Variants in MYPN observed in about 807,000 individuals in gnomAD.
MYPN encodes sarcomeric protein myopalladin, 145 kDa (MYOP).
MYPN carries 63 observed loss-of-function variants against 129.4 expected under a neutral mutation model. The observed-to-expected ratio is 0.49, with a 90% CI of 0.40 to 0.60. The LOEUF (loss-of-function observed/expected upper bound fraction) is 0.60, where lower values mean the gene tolerates loss of function less well. MYPN is among the 20% of genes least tolerant of loss of function. The pLI, the probability that MYPN is intolerant of heterozygous loss-of-function variation, is 0.00. For missense variants in MYPN, 1,596 were observed against 1,635.4 expected, an observed-to-expected ratio of 0.98 and a Z score of 0.42; for synonymous variants, 629 against 600.9, an observed-to-expected ratio of 1.05 and a Z score of -0.68.
chr10:68,151,540 G>T (rs1043441961), intron 6 of MYPN, among the ~76,000 whole-genome samples: 2 of 152,142 alleles, frequency 1.3e-5, no homozygotes, highest in Non-Finnish European at 2.9e-5. Flanking sequence ...AGCTAAGAGA[G>T]CTACTTCTTA....
intron 6 of MYPN, among the ~76,000 whole-genome samples, chr10:68,153,860 C>A (rs1489650664): frequency 6.6e-6 from 1 of 151,612 alleles, no homozygotes; most frequent in East Asian, 1.9e-4. Flanking sequence ...ATTCCATTCC[C>A]TGTGACTCAC....
intron 2 of MYPN, 37 bp downstream of exon 2, chr10:68,122,377 C>T: frequency 3.1e-6 from 5 of 1,600,790 alleles, no homozygotes; most frequent in Middle Eastern, 2.2e-4. Context: ...AGTAATGTTG[C>T]TTTCCATCTA....
chr10:68,097,996 A>C (rs909362889), intron 1 of MYPN, among the ~76,000 whole-genome samples: 1 of 152,214 alleles, frequency 6.6e-6, no homozygotes, highest in African/African-American at 2.4e-5. Flanking sequence ...CTGTAATCCT[A>C]GCACTTTGGG....
intron 10 of MYPN, among the ~76,000 whole-genome samples, chr10:68,171,883 G>T (rs538766442): frequency 6.6e-6 from 1 of 152,340 alleles, no homozygotes; most frequent in South Asian, 2.1e-4. Flanking sequence ...CAAAGCCAGT[G>T]AACTGGCTCC....
At chr10:68,181,663 G>C (rs2043315150) in intron 12 of MYPN, among the ~76,000 whole-genome samples, 1 of 152,056 alleles carries the variant, frequency 6.6e-6, no homozygotes, top group Non-Finnish European at 1.5e-5. Flanking sequence ...ACTTTGTTTT[G>C]TCTGTGGCCT....
chr10:68,206,095 A>AGGCCAACAAGGG (rs2043810889), intron 18 of MYPN, among the ~76,000 whole-genome samples: 1 of 152,210 alleles, frequency 6.6e-6, no homozygotes, highest in Non-Finnish European at 1.5e-5. Flanking sequence ...TAAGAGGGCC[A>AGGCCAACAAGGG]GGCCAACAAG....
At chr10:68,143,494 G>A (rs555265087) in intron 3 of MYPN, among the ~76,000 whole-genome samples, 1 of 152,248 alleles carries the variant, frequency 6.6e-6, no homozygotes, top group African/African-American at 2.4e-5. Flanking sequence ...CAAGTGCAGT[G>A]GCCCTGAGGG....
chr10:68,201,867 C>T lies in MYPN; in HGVS notation c.3532C>T (p.Leu1178=). The T allele has an allele frequency of 6.2e-7, 1 of 1,614,062 alleles. No homozygotes were observed. The highest frequency in any genetic ancestry group is 8.5e-7 in the Non-Finnish European group (1 of 1,180,004). ...VKKAPVILEK[L]QNCGVPEGHP... The stretch of plus-strand genomic sequence containing the variant: ...GAAAGCACCTGTGATCCTGGAGAAA[C>T]TACAGAACTGCGGTGTTCCCGAAGG... The change falls in exon 18 of 20, where the codon CTA becomes TTA. Residue 1178 remains leucine, a synonymous_variant. Transcript: ENST00000358913.
intron 8 of MYPN, among the ~76,000 whole-genome samples, chr10:68,163,715 T>C (rs751867565): frequency 1.4e-4 from 22 of 152,128 alleles, no homozygotes; most frequent in South Asian, 6.2e-4. Context: ...AGTCTTATGA[T>C]CCTAATGTCA....
intron 18 of MYPN, among the ~76,000 whole-genome samples, chr10:68,204,447 C>T (rs965810879): frequency 2.6e-5 from 4 of 152,168 alleles, no homozygotes; most frequent in South Asian, 2.1e-4. Context: ...ACTGACCGGG[C>T]GCAGTGGCTT....
intron 1 of MYPN, among the ~76,000 whole-genome samples, chr10:68,100,937 A>G (rs766467339): frequency 6.6e-6 from 1 of 152,244 alleles, no homozygotes; most frequent in Non-Finnish European, 1.5e-5. Context: ...CAATTAAATC[A>G]GTTAATGTTG....
intron 5 of MYPN, 146 bp downstream of exon 5, chr10:68,148,613 G>C: frequency 1.3e-6 from 1 of 753,786 alleles, no homozygotes; most frequent in Non-Finnish European, 2.4e-6. Context: ...ATGTTTGAGA[G>C]CAGTGGTTCC....
intron 10 of MYPN, among the ~76,000 whole-genome samples, chr10:68,169,335 G>A (rs1354599516): frequency 6.7e-6 from 1 of 150,048 alleles, no homozygotes; most frequent in African/African-American, 2.5e-5. Flanking sequence ...TCCAGCCTGG[G>A]CAACAGAGTG....
At chr10:68,198,880 G>C (rs938633725) in intron 16 of MYPN, among the ~76,000 whole-genome samples, 1 of 151,972 alleles carries the variant, frequency 6.6e-6, no homozygotes, top group Non-Finnish European at 1.5e-5. Flanking sequence ...GAGGGGTGAG[G>C]GGAGGGAACT....
chr10:68,165,362 G>C, intron 8 of MYPN: 1 of 422,662 alleles, frequency 2.4e-6, no homozygotes, highest in Non-Finnish European at 4.6e-6. Flanking sequence ...TGAGGTAGGA[G>C]AATCGCTTGA....
intron 10 of MYPN, 63 bp from the exon 11 acceptor site, chr10:68,174,003 T>A (rs543639947): frequency 2.3e-6 from 3 of 1,312,316 alleles, no homozygotes; most frequent in Middle Eastern, 1.8e-4. Context: ...TGAACATTGT[T>A]TGAAAGGTGA....
intron 10 of MYPN, among the ~76,000 whole-genome samples, chr10:68,170,729 C>T (rs1267366814): frequency 6.6e-6 from 1 of 152,174 alleles, no homozygotes; most frequent in Admixed American, 6.6e-5. Flanking sequence ...CTCACCCTGG[C>T]TACACTCTAG....
intron 8 of MYPN, among the ~76,000 whole-genome samples, chr10:68,162,828 A>G (rs1212007842): frequency 6.6e-6 from 1 of 152,100 alleles, no homozygotes; most frequent in African/African-American, 2.4e-5. Flanking sequence ...TAGGGTTTTT[A>G]AGGGTTTTGG....
At chr10:68,110,253 TTCTCTC>T (rs140449918) in intron 1 of MYPN, among the ~76,000 whole-genome samples, 4 of 147,750 alleles carry the variant, frequency 2.7e-5, no homozygotes, top group South Asian at 4.2e-4. Flanking sequence ...TCTTTCTCCT[TTCTCTC>T]TCTCTCTCTC....
Sources: gnomAD v4.1 joint callset for allele counts (sites outside exome capture counted in the v4.1 genomes callset) on GRCh38, gnomAD v4.1.1 for gene constraint, MANE v1.5 for transcripts, NCBI Gene and HGNC (gene_info 2026-07-23, HGNC 2026-07-21) for gene names.